The following ISG20L2 variants were observed in gnomAD, a reference collection of about 807,000 sequenced individuals.
The protein encoded by ISG20L2 is interferon stimulated exonuclease gene 20 like 2, also known as interferon-stimulated 20 kDa exonuclease-like 2.
In ISG20L2, 14 loss-of-function variants were observed where a neutral mutation model predicts 27.8. The observed-to-expected ratio is 0.50, with a 90% CI of 0.33 to 0.79. The LOEUF is 0.79. ISG20L2 is among the 30% of genes least tolerant of loss of function. The pLI is 0.02. For missense variants in ISG20L2, 393 were observed against 435.1 expected (o/e 0.90, Z 0.86); for synonymous variants, 157 against 165.7 (o/e 0.95, Z 0.40).
chr1:156,727,975 A>G (rs1383958563), intron 1 of ISG20L2: 1 of 1,096,348 alleles, frequency 9.1e-7, no homozygotes, highest in Non-Finnish European at 1.1e-6. Context: ...TTCACCAGCC[A>G]TTTGGTCTTA....
intron 3 of ISG20L2, 56 bp downstream of exon 3, chr1:156,724,092 G>A: frequency 6.9e-7 from 1 of 1,457,174 alleles, no homozygotes; most frequent in Non-Finnish European, 9.6e-7. Context: ...GTCTGGCTAG[G>A]GGCATCAACG....
In ISG20L2 at chr1:156,723,438, C is replaced by A. The variant is rs1353426209; in HGVS notation, c.973G>T (p.Val325Leu). The A allele has an allele frequency of 2.5e-6, 4 of 1,614,082 alleles. No homozygotes were observed. The East Asian group carries it at 8.9e-5, about 36-fold the overall frequency. The change falls in exon 4 of 4, where the codon GTG becomes TTG. Residue 325 changes from valine (V) to leucine (L), a missense_variant. By Grantham distance (32) the Val-to-Leu change is conservative. This residue lies in a region of ISG20L2 where 171 missense variants were observed against 195.3 expected (regional missense o/e 0.88). Transcript: ENST00000368219. The part of the protein sequence containing the change: ...IQVGKSGHSS[V>L]EDAQATMELY... Reference sequence around the variant, plus strand: ...TCCATGGTGGCCTGGGCATCTTCCACAGAGGAATGTCCGCTCTTCCCAACC... The same window carrying A: ...TCCATGGTGGCCTGGGCATCTTCCAAAGAGGAATGTCCGCTCTTCCCAACC...
At chr1:156,723,483 A>G (rs773579903) in intron 3 of ISG20L2, 21 bp from the exon 4 acceptor site, 11 of 1,613,808 alleles carry the variant, frequency 6.8e-6, no homozygotes, top group Non-Finnish European at 9.3e-6. Flanking sequence ...AAGGAAGACA[A>G]GAGCATGAAG....
rs1648859720 is a variant in ISG20L2, at chr1:156,727,686, GA to G, written c.-35del. On this transcript the variant is annotated 5_prime_UTR_variant, in exon 2 of 4. Transcript: ENST00000368219. ...TGGAAGGCGGAAGAGTAGTTGGGAA[GA>G]GTGGCTTATGGATGAAAAGAGGATG... The G allele has an allele frequency of 6.3e-7, 1 of 1,588,946 alleles. No individual in the cohort carries two copies. The highest frequency in any genetic ancestry group is 8.5e-7 in the Non-Finnish European group (1 of 1,171,090).
At position 156,724,191 on chromosome 1, in the gene ISG20L2, G is replaced by T. The variant is rs772405530; in HGVS notation, c.905C>A (p.Ser302Tyr). ...CAGCTTCTTGGTGAGATGCTTCAGA[G>T]ACATGGTGGCATTCTCCGGGCAGTC... ...KADCPENATM[S>Y]LKHLTKKLLN... is the part of the protein sequence containing the mutation. Residue 302 changes from serine (S) to tyrosine (Y), a missense_variant, in exon 3 of 4, where the codon TCT (serine) becomes TAT (tyrosine). Ser to Tyr is a moderately radical substitution (Grantham distance 144). Around this residue, in one of 3 missense-constraint regions of ISG20L2, gnomAD observed 171 missense variants for 195.3 expected, o/e 0.88. Transcript: ENST00000368219. 1 of 1,613,800 alleles carries T rather than the reference G, an allele frequency of 6.2e-7. No individual in the cohort carries two copies. Among genetic ancestry groups the T allele is most frequent in the Non-Finnish European group, 8.5e-7 (1 of 1,179,926 alleles).
In ISG20L2 at chr1:156,723,282, G is replaced by A. The variant is rs151040676; in HGVS notation, c.*67C>T. 10,252 of 1,586,586 alleles carry A rather than the reference G, an allele frequency of 6.5e-3. 40 individuals are homozygous for A. The highest frequency in any genetic ancestry group is 7.6e-3 in the Non-Finnish European group (8,821 of 1,159,132). ...TGTGGAGCTGGTGGAGCTGTCCATT[G>A]GTCCACTGCCCTGTTTCTCCTGGGT... On this transcript the variant is annotated 3_prime_UTR_variant, in exon 4 of 4. Coordinates refer to ENST00000368219, the MANE Select transcript of ISG20L2 (RefSeq NM_001370150.2).
chr1:156,727,717 A>G lies in ISG20L2; in HGVS notation c.-65T>C, dbSNP rs1571497413. The stretch of plus-strand genomic sequence containing the variant: ...CTTATGGATGAAAAGAGGATGTGGG[A>G]CTCATTCTCTGCTGAATCCTACTGT... On this transcript the variant is annotated 5_prime_UTR_variant, in exon 2 of 4. Transcript: ENST00000368219. 1 of 1,551,346 alleles carries G rather than the reference A, an allele frequency of 6.4e-7. No individual in the cohort carries two copies. Among genetic ancestry groups the G allele is most frequent in the Non-Finnish European group, 8.6e-7 (1 of 1,156,630 alleles).
chr1:156,728,084 A>G, intron 1 of ISG20L2: 1 of 998,092 alleles, frequency 1.0e-6, no homozygotes, highest in Non-Finnish European at 1.2e-6. Context: ...AAGAGGCTAG[A>G]ACACGTGCGA....
In ISG20L2 at chr1:156,727,667, G is replaced by T. The variant is rs748357264; in HGVS notation, c.-15C>A. The T allele has an allele frequency of 5.2e-5, 84 of 1,602,950 alleles. No individual in the cohort carries two copies. The highest frequency in any genetic ancestry group is 7.1e-5 in the Non-Finnish European group (84 of 1,175,846). On this transcript the variant is annotated 5_prime_UTR_variant, in exon 2 of 4. Transcript: ENST00000368219. ...AAAGTAGACATAGGGACAATGGAAG[G>T]CGGAAGAGTAGTTGGGAAGAGTGGC... is the stretch of plus-strand genomic sequence containing the variant.
Position 156,727,516 on chromosome 1 carries a change from T to C in ISG20L2, c.137A>G (p.Gln46Arg), listed in dbSNP as rs749203767. The C allele has an allele frequency of 1.7e-5, 28 of 1,614,014 alleles. No homozygotes were observed. The highest frequency in any genetic ancestry group is 2.3e-5 in the Non-Finnish European group (27 of 1,180,028). The change falls in exon 2 of 4, where the codon CAA becomes CGA. Residue 46 changes from glutamine (Q) to arginine (R), a missense_variant. Gln to Arg is a conservative substitution (Grantham distance 43). Coordinates refer to ENST00000368219, the MANE Select transcript of ISG20L2 (RefSeq NM_001370150.2). ...ERRGFLSKKN[Q>R]PPSKAPKLHS... ...CAACTTAGGCGCCTTGCTAGGGGGT[T>C]GGTTCTTTTTACTCAGAAAGCCTCT... is the stretch of plus-strand genomic sequence containing the variant.
At position 156,727,512 on chromosome 1, in the gene ISG20L2, G is replaced by A; in HGVS notation, c.141C>T (p.Pro47=). The A allele has an allele frequency of 6.2e-7, 1 of 1,614,098 alleles. No individual in the cohort carries two copies. The highest frequency in any genetic ancestry group is 8.5e-7 in the Non-Finnish European group (1 of 1,180,018). The part of the protein sequence containing the change: ...RRGFLSKKNQ[P]PSKAPKLHSE... ...AGTGCAACTTAGGCGCCTTGCTAGGGGGTTGGTTCTTTTTACTCAGAAAGC... is the reference window on the plus strand; with the variant it reads ...AGTGCAACTTAGGCGCCTTGCTAGGAGGTTGGTTCTTTTTACTCAGAAAGC... The change falls in exon 2 of 4, where the codon CCC becomes CCT. Residue 47 remains proline (P), a synonymous_variant. Coordinates refer to ENST00000368219, the MANE Select transcript of ISG20L2 (RefSeq NM_001370150.2).
chr1:156,724,406 TTCTGAAAGCCCAACATGACCATC>T, intron 2 of ISG20L2, 58 bp from the exon 3 acceptor site: 1 of 1,490,510 alleles, frequency 6.7e-7, no homozygotes, highest in Non-Finnish European at 9.1e-7. Context: ...AACCCCTGCA[TTCTGAAAGCCCAACATGACCATC>T]AATCCCTTCT....
Position 156,724,355 on chromosome 1 carries a change from G to A in ISG20L2, c.748-7C>T, listed in dbSNP as rs562035671. 9.4e-6 allele frequency: 15 copies of A among 1,601,386 alleles called. No homozygotes were observed. The East Asian group carries it at 2.7e-4, about 29-fold the overall frequency. ...CTGTGAGTATCTTCAAGATCTGGAA[G>A]AAGTGTGGGAAGAGAGTGGTGAGAA... On this transcript the variant is annotated splice_region_variant and splice_polypyrimidine_tract_variant and intron_variant, in intron 2 of 3. Transcript: ENST00000368219.
At position 156,728,765 on chromosome 1, in the gene ISG20L2, G is replaced by A. The variant is rs1437511072; in HGVS notation, c.-468C>T. The A allele has an allele frequency of 1.9e-5, 20 of 1,048,982 alleles. No homozygotes were observed. Among genetic ancestry groups the A allele is most frequent in the Non-Finnish European group, 2.3e-5 (20 of 867,476 alleles). The allele number at this position is 1,048,982 out of a possible 1,614,324, so 65.0% of individuals were successfully genotyped here. On this transcript the variant is annotated 5_prime_UTR_variant, in exon 1 of 4. Transcript: ENST00000368219. ...TTCACTTCCGTAAGAGGAGAGGAGT[G>A]TACGGCAAGGGGCGGGAACTGGAAC...
Position 156,723,433 on chromosome 1 carries a change from T to C in ISG20L2, c.978A>G (p.Glu326=). The C allele has an allele frequency of 6.2e-7, 1 of 1,614,150 alleles. No homozygotes were observed. Among genetic ancestry groups the C allele is most frequent in the Non-Finnish European group, 8.5e-7 (1 of 1,180,014 alleles). The change falls in exon 4 of 4, where the codon GAA becomes GAG. Residue 326 remains glutamate (E), a synonymous_variant. Transcript: ENST00000368219. The part of the protein sequence containing the change: ...QVGKSGHSSV[E]DAQATMELYK... ...ATAGCTCCATGGTGGCCTGGGCATC[T>C]TCCACAGAGGAATGTCCGCTCTTCC...
Position 156,727,348 on chromosome 1 carries a change from G to A in ISG20L2, c.305C>T (p.Thr102Ile). ...ATCAGCCTTTTTTGAAGGGGCAGGG[G>A]TCAACCAAGACACTGCAGCTTTCTT... ...LDKKAAVSWL[T>I]PAPSKKADSV... is the part of the protein sequence containing the mutation. The change falls in exon 2 of 4, where the codon ACC becomes ATC. Residue 102 changes from threonine (T) to isoleucine (I), a missense_variant. Thr to Ile is a moderately conservative substitution (Grantham distance 89). This residue lies in a region of ISG20L2 where 183 missense variants were observed against 168.2 expected (regional missense o/e 1.09). Transcript: ENST00000368219. 3 of 1,614,188 alleles carry A rather than the reference G, an allele frequency of 1.9e-6. No homozygotes were observed. The highest frequency in any genetic ancestry group is 2.5e-6 in the Non-Finnish European group (3 of 1,180,016).
intron 2 of ISG20L2, chr1:156,726,141 G>C (rs1648748350): frequency 1.0e-6 from 1 of 985,290 alleles, no homozygotes; most frequent in South Asian, 4.7e-5. Flanking sequence ...CCGTTCACTG[G>C]TTACCTGTTC....
At chr1:156,723,743 G>A in intron 3 of ISG20L2, 1 of 985,422 alleles carries the variant, frequency 1.0e-6, no homozygotes. Flanking sequence ...TCAAAGACAG[G>A]TCTTCTGAGT....
chr1:156,725,903 G>C, intron 2 of ISG20L2: 1 of 985,512 alleles, frequency 1.0e-6, no homozygotes, highest in Non-Finnish European at 1.2e-6. Flanking sequence ...AGGCATTATG[G>C]GAACAGCGTG....
Sources: allele counts gnomAD v4.1 joint callset, GRCh38; gene constraint gnomAD v4.1.1; regional missense constraint gnomAD v4.1.1; transcripts MANE v1.5; gene names NCBI Gene and HGNC (gene_info 2026-07-23, HGNC 2026-07-21).